The following TRPM3 variants were observed in gnomAD, a reference collection of about 807,000 sequenced individuals.
TRPM3 encodes transient receptor potential cation channel subfamily M member 3.
A neutral mutation model predicts 181.2 loss-of-function variants in TRPM3; 77 were observed. The observed-to-expected ratio is 0.42, with a 90% confidence interval of 0.35 to 0.51. The LOEUF (loss-of-function observed/expected upper bound fraction) is 0.51, where lower values mean the gene tolerates loss of function less well. Among genes scored for constraint, TRPM3 ranks in the 20% least tolerant of loss-of-function variants. The pLI, the probability that TRPM3 is intolerant of heterozygous loss-of-function variation, is 0.01. For missense variants in TRPM3, 1,759 were observed against 2,196.7 expected, an observed-to-expected ratio of 0.80 and a Z score of 3.98; for synonymous variants, 745 against 796.4, an observed-to-expected ratio of 0.94 and a Z score of 1.09.
At chr9:70,971,350 C>T (rs1055472454) in intron 1 of TRPM3, among the ~76,000 whole-genome samples, 2 of 152,106 alleles carry the variant, frequency 1.3e-5, no homozygotes, top group South Asian at 2.1e-4. Flanking sequence ...TCAACATAAA[C>T]GTTTTTTTCT....
intron 1 of TRPM3, among the ~76,000 whole-genome samples, chr9:71,091,845 G>A (rs1383078070): frequency 6.6e-6 from 1 of 151,948 alleles, no homozygotes; most frequent in Non-Finnish European, 1.5e-5. Context: ...CATAGAGAAA[G>A]GCAGCTTTGA....
At chr9:71,245,749 T>C (rs866536262) in intron 1 of TRPM3, among the ~76,000 whole-genome samples, 1 of 152,044 alleles carries the variant, frequency 6.6e-6, no homozygotes, top group Admixed American at 6.6e-5. Context: ...AAAGGGCTGA[T>C]TGTGATTTAA....
intron 21 of TRPM3, among the ~76,000 whole-genome samples, chr9:70,596,885 C>G (rs114715231): frequency 0.016 from 2,425 of 152,190 alleles, 64 homozygotes; most frequent in African/African-American, 0.053. Context: ...ACCTCAGGCT[C>G]CCAGATAGCT....
chr9:71,347,026 A>T (rs1053590390), intron 1 of TRPM3, among the ~76,000 whole-genome samples: 1 of 152,238 alleles, frequency 6.6e-6, no homozygotes, highest in African/African-American at 2.4e-5. Flanking sequence ...AAATCCCAAA[A>T]GGGGAGGGAG....
At chr9:70,573,395 T>C (rs1209659466) in intron 22 of TRPM3, among the ~76,000 whole-genome samples, 1 of 152,224 alleles carries the variant, frequency 6.6e-6, no homozygotes, top group Non-Finnish European at 1.5e-5. Flanking sequence ...TGTATTTAAA[T>C]GTAAAATGGA....
chr9:71,198,552 C>T (rs1320652887), intron 1 of TRPM3, among the ~76,000 whole-genome samples: 1 of 152,024 alleles, frequency 6.6e-6, no homozygotes, highest in African/African-American at 2.4e-5. Flanking sequence ...TTTCATTGAG[C>T]AGTAGTTTGT....
intron 9 of TRPM3, among the ~76,000 whole-genome samples, chr9:70,668,239 T>G (rs12005736): frequency 6.6e-6 from 1 of 152,164 alleles, no homozygotes; most frequent in Non-Finnish European, 1.5e-5. Context: ...CATGAACTTC[T>G]AGCATGTGAC....
intron 8 of TRPM3, among the ~76,000 whole-genome samples, chr9:70,682,253 T>C (rs1193743749): frequency 6.6e-6 from 1 of 152,162 alleles, no homozygotes; most frequent in Non-Finnish European, 1.5e-5. Flanking sequence ...CCATTCTTTC[T>C]GGTTTTATGT....
intron 6 of TRPM3, among the ~76,000 whole-genome samples, chr9:70,791,045 G>A (rs1303898952): frequency 2.6e-5 from 4 of 152,136 alleles, no homozygotes; most frequent in African/African-American, 9.7e-5. Context: ...CTTCTATGGA[G>A]GCAGGTATTT....
chr9:71,166,628 T>C (rs961898484), intron 1 of TRPM3, among the ~76,000 whole-genome samples: 1 of 152,202 alleles, frequency 6.6e-6, no homozygotes, highest in African/African-American at 2.4e-5. Context: ...ATGGAAATTT[T>C]AAAGCTGTGA....
At chr9:71,261,044 T>C (rs2083018439) in intron 1 of TRPM3, among the ~76,000 whole-genome samples, 1 of 152,200 alleles carries the variant, frequency 6.6e-6, no homozygotes, top group South Asian at 2.1e-4. Context: ...ATTTGAATGT[T>C]GGCCTGCCTT....
intron 1 of TRPM3, among the ~76,000 whole-genome samples, chr9:70,953,806 G>A (rs2097032167): frequency 6.6e-6 from 1 of 152,152 alleles, no homozygotes; most frequent in African/African-American, 2.4e-5. Context: ...AAGAGCCAAA[G>A]CAGGTTGACG....
At chr9:71,074,080 G>T (rs990963517) in intron 1 of TRPM3, among the ~76,000 whole-genome samples, 4 of 152,118 alleles carry the variant, frequency 2.6e-5, no homozygotes, top group Non-Finnish European at 4.4e-5. Context: ...GACTAAAAGA[G>T]GCTAGCGGAA....
intron 1 of TRPM3, among the ~76,000 whole-genome samples, chr9:71,026,590 G>A (rs550762329): frequency 6.6e-6 from 1 of 152,244 alleles, no homozygotes; most frequent in Admixed American, 6.5e-5. Context: ...GCCACTGCTG[G>A]GCGTAAATGA....
chr9:70,832,090 A>G (rs1433394948), intron 5 of TRPM3, among the ~76,000 whole-genome samples: 1 of 133,414 alleles, frequency 7.5e-6, no homozygotes, highest in Non-Finnish European at 1.6e-5. Context: ...GGAATTGAAC[A>G]ATGAGAACAC....
At chr9:70,945,931 G>A (rs1375855501) in intron 1 of TRPM3, among the ~76,000 whole-genome samples, 4 of 152,102 alleles carry the variant, frequency 2.6e-5, no homozygotes, top group African/African-American at 9.7e-5. Flanking sequence ...AAGGGAGAAG[G>A]AAGTATAGTA....
At chr9:71,205,242 AAAT>A (rs1047507994) in intron 1 of TRPM3, among the ~76,000 whole-genome samples, 3 of 76,780 alleles carry the variant, frequency 3.9e-5, no homozygotes, top group African/African-American at 1.9e-4. Flanking sequence ...TAAGCAAATC[AAAT>A]AATAAAAAAA....
At chr9:71,336,180 A>AG (rs2090544899) in intron 1 of TRPM3, among the ~76,000 whole-genome samples, 1 of 128,766 alleles carries the variant, frequency 7.8e-6, no homozygotes, top group Non-Finnish European at 1.6e-5. Context: ...AAACTGTCCG[A>AG]AAAAAAAAAA....
chr9:71,024,515 G>C, intron 1 of TRPM3, among the ~76,000 whole-genome samples: 1 of 152,116 alleles, frequency 6.6e-6, no homozygotes, highest in East Asian at 1.9e-4. Flanking sequence ...CAAAATATGT[G>C]GTAGAGTATA....
Sources: allele counts gnomAD v4.1 joint callset (sites outside exome capture counted in the v4.1 genomes callset), GRCh38; gene constraint gnomAD v4.1.1; transcripts MANE v1.5; gene names NCBI Gene and HGNC (gene_info 2026-07-23, HGNC 2026-07-21).